SDK1: variants seen among roughly 807,000 people sequenced by gnomAD.
SDK1 encodes the protein protein sidekick-1.
In SDK1, 157 loss-of-function variants were observed where a neutral mutation model predicts 245.5. That is an observed-to-expected ratio of 0.64 (90% confidence interval 0.56 to 0.73). The LOEUF (loss-of-function observed/expected upper bound fraction) is 0.73. Ranked by LOEUF, SDK1 falls within the 30% of genes least tolerant of loss-of-function variation. The probability of loss-of-function intolerance (pLI) is 0.00; values close to 1 mark genes in which losing one functional copy is unlikely to be tolerated. For missense variants in SDK1, 3,583 were observed against 3,002.3 expected, an observed-to-expected ratio of 1.19 and a Z score of -4.52; for synonymous variants, 1,647 against 1,278.5, an observed-to-expected ratio of 1.29 and a Z score of -6.15.
chr7:3,630,968 C>T (rs1782271521), intron 2 of SDK1, among the ~76,000 whole-genome samples: 1 of 152,014 alleles, frequency 6.6e-6, no homozygotes, highest in Admixed American at 6.6e-5. Flanking sequence ...CAGGGTGTCA[C>T]TTTGTTGCCC....
intron 1 of SDK1, among the ~76,000 whole-genome samples, chr7:3,612,558 T>G (rs1781626368): frequency 6.6e-6 from 1 of 152,208 alleles, no homozygotes; most frequent in Non-Finnish European, 1.5e-5. Flanking sequence ...TGTTCACAAA[T>G]GATACATTCT....
At chr7:3,913,143 G>T (rs1321427448) in intron 5 of SDK1, among the ~76,000 whole-genome samples, 1 of 152,164 alleles carries the variant, frequency 6.6e-6, no homozygotes, top group Non-Finnish European at 1.5e-5. Flanking sequence ...GGTACCGGGG[G>T]CCCTGCCATG....
intron 4 of SDK1, among the ~76,000 whole-genome samples, chr7:3,733,107 TTAAAA>T (rs2115043042): frequency 6.6e-6 from 1 of 152,342 alleles, no homozygotes; most frequent in East Asian, 1.9e-4. Flanking sequence ...AGTGATGAGC[TTAAAA>T]GAGTTTGACA....
At chr7:3,352,946 A>C (rs1178084602) in intron 1 of SDK1, among the ~76,000 whole-genome samples, 1 of 152,152 alleles carries the variant, frequency 6.6e-6, no homozygotes, top group African/African-American at 2.4e-5. Context: ...AACAAGCTCT[A>C]CATGGGAATA....
At chr7:4,155,363 C>T (rs1051264083) in intron 30 of SDK1, among the ~76,000 whole-genome samples, 1 of 152,232 alleles carries the variant, frequency 6.6e-6, no homozygotes, top group African/African-American at 2.4e-5. Flanking sequence ...TGCACCCAAA[C>T]CCATTTGTCT....
At chr7:4,192,845 C>G (rs114040467) in intron 35 of SDK1, among the ~76,000 whole-genome samples, 1 of 151,732 alleles carries the variant, frequency 6.6e-6, no homozygotes, top group Non-Finnish European at 1.5e-5. Context: ...CCTCCCCTCC[C>G]GTGTGATCCT....
chr7:4,182,420 G>T (rs2128220331), intron 35 of SDK1, among the ~76,000 whole-genome samples: 1 of 152,314 alleles, frequency 6.6e-6, no homozygotes, highest in Non-Finnish European at 1.5e-5. Flanking sequence ...ATTGCCAGAG[G>T]GGATCAGAAT....
intron 1 of SDK1, among the ~76,000 whole-genome samples, chr7:3,520,549 T>G (rs1370013791): frequency 6.6e-6 from 1 of 152,208 alleles, no homozygotes; most frequent in Non-Finnish European, 1.5e-5. Flanking sequence ...AATCTCTTAC[T>G]TATATCAAAA....
At position 4,192,795 on chromosome 7, in the gene SDK1, A is replaced by G. The variant is rs116655513; in HGVS notation, c.5099-13084A>G. 9.6e-3 allele frequency among the ~76,000 whole-genome samples: 1,462 copies of G among 151,918 alleles called. 25 individuals are homozygous for G. Among genetic ancestry groups the G allele is most frequent in the African/African-American group, 0.033 (1,382 of 41,408 alleles). ...TGCACTCGCCACCAGCTCAACCACA[A>G]GGCAGCACGGCCAGTCTGGCTTCAT... On this transcript the variant is annotated intron_variant, in intron 35 of 44. Transcript: ENST00000404826.
chr7:3,474,268 G>A (rs1248955887), intron 1 of SDK1, among the ~76,000 whole-genome samples: 1 of 150,762 alleles, frequency 6.6e-6, no homozygotes, highest in Non-Finnish European at 1.5e-5. Flanking sequence ...GCTAATTTTT[G>A]TATTTTTAGT....
In SDK1 at chr7:3,635,114, G is replaced by A. The variant is rs368875823; in HGVS notation, c.459-3890G>A. Among the ~76,000 whole-genome samples the A allele has an allele frequency of 1.4e-4, 21 of 152,222 alleles. 1 individual carries two copies. The highest frequency in any genetic ancestry group is 7.2e-4 in the Admixed American group (11 of 15,296). On this transcript the variant is annotated intron_variant, in intron 2 of 44. Transcript: ENST00000404826. ...ATCACAGCATGTAATAATCAAAGCC[G>A]CACATACTCCTGGTCTGGATTTGTA... is the stretch of plus-strand genomic sequence containing the variant.
chr7:3,603,822 C>T (rs1398925408), intron 1 of SDK1, among the ~76,000 whole-genome samples: 6 of 151,998 alleles, frequency 3.9e-5, no homozygotes, highest in Admixed American at 6.6e-5. Flanking sequence ...TGTGGGTTTG[C>T]CATAGATAGC....
At chr7:3,660,619 A>C (rs955096676) in intron 4 of SDK1, among the ~76,000 whole-genome samples, 2 of 152,182 alleles carry the variant, frequency 1.3e-5, no homozygotes, top group African/African-American at 4.8e-5. Context: ...ATAACCATAA[A>C]TTAGAAAGCC....
At chr7:3,662,897 C>T (rs1056968750) in intron 4 of SDK1, among the ~76,000 whole-genome samples, 3 of 152,054 alleles carry the variant, frequency 2.0e-5, no homozygotes, top group South Asian at 2.1e-4. Flanking sequence ...TATGCAGATA[C>T]TTGAAATCTG....
chr7:3,586,166 G>A (rs1780681438), intron 1 of SDK1, among the ~76,000 whole-genome samples: 1 of 151,922 alleles, frequency 6.6e-6, no homozygotes, highest in African/African-American at 2.4e-5. Flanking sequence ...TCTCAGTGAA[G>A]TGTGCCACAC....
At chr7:3,402,999 ATC>A (rs1778931110) in intron 1 of SDK1, among the ~76,000 whole-genome samples, 1 of 152,020 alleles carries the variant, frequency 6.6e-6, no homozygotes, top group Non-Finnish European at 1.5e-5. Context: ...CAGTGGTGCT[ATC>A]TCGGCTCACT....
chr7:4,144,543 A>C (rs370437788), intron 28 of SDK1, among the ~76,000 whole-genome samples: 2 of 151,750 alleles, frequency 1.3e-5, no homozygotes, highest in South Asian at 2.1e-4. Flanking sequence ...CCCACCTCCC[A>C]GATGGCGGGC....
intron 4 of SDK1, among the ~76,000 whole-genome samples, chr7:3,644,936 G>A (rs566935943): frequency 2.2e-4 from 33 of 151,872 alleles, no homozygotes; most frequent in Admixed American, 3.3e-4. Context: ...CCAGGGATGG[G>A]GGGAGTTAGA....
chr7:4,244,743 C>G (rs1416845955), intron 43 of SDK1, among the ~76,000 whole-genome samples: 1 of 151,762 alleles, frequency 6.6e-6, no homozygotes, highest in Non-Finnish European at 1.5e-5. Flanking sequence ...TCTGGAGGCT[C>G]AACTGGGCAA....
Sources: gnomAD v4.1 joint callset for allele counts (sites outside exome capture counted in the v4.1 genomes callset) on GRCh38, gnomAD v4.1.1 for gene constraint, MANE v1.5 for transcripts, NCBI Gene and HGNC (gene_info 2026-07-23, HGNC 2026-07-21) for gene names.